The following POC1A variants were observed in gnomAD, a reference collection of about 807,000 sequenced individuals.
The protein encoded by POC1A is POC1 centriolar protein homolog A.
In POC1A, 34 loss-of-function variants were observed where a neutral mutation model predicts 47.8. That is an observed-to-expected ratio of 0.71 (90% CI 0.54 to 0.95). POC1A has a LOEUF of 0.95. Ranked by LOEUF, POC1A falls within the 40% of genes least tolerant of loss-of-function variation. The probability of loss-of-function intolerance (pLI) is 0.00; values close to 1 mark genes in which losing one functional copy is unlikely to be tolerated. For missense variants in POC1A, 466 were observed against 528.3 expected (o/e 0.88, Z 1.16); for synonymous variants, 177 against 207.6 (o/e 0.85, Z 1.27).
chr3:52,081,974 C>T (rs898697470), intron 10 of POC1A, among the ~76,000 whole-genome samples: 2 of 152,052 alleles, frequency 1.3e-5, no homozygotes, highest in African/African-American at 4.8e-5. Context: ...AGGCCAAGAA[C>T]ACAAGACAAG....
chr3:52,130,784 C>T (rs1323040181), intron 7 of POC1A, among the ~76,000 whole-genome samples: 1 of 152,136 alleles, frequency 6.6e-6, no homozygotes, highest in Non-Finnish European at 1.5e-5. Context: ...GGCCCACTGG[C>T]CCAGCCACTG....
chr3:52,120,153 A>C (rs1029407537), intron 9 of POC1A, among the ~76,000 whole-genome samples: 3 of 152,214 alleles, frequency 2.0e-5, no homozygotes, highest in African/African-American at 7.2e-5. Context: ...AAAGATGAAG[A>C]TCTTCTGGAA....
At chr3:52,102,669 A>G (rs1703040422) in intron 9 of POC1A, among the ~76,000 whole-genome samples, 3 of 152,346 alleles carry the variant, frequency 2.0e-5, no homozygotes, top group Admixed American at 1.3e-4. Flanking sequence ...CCCATTCAAC[A>G]CACTACAAAA....
At chr3:52,120,089 G>C (rs1055491445) in intron 9 of POC1A, among the ~76,000 whole-genome samples, 7 of 152,308 alleles carry the variant, frequency 4.6e-5, no homozygotes, top group Non-Finnish European at 1.0e-4. Flanking sequence ...TCCTATCTCA[G>C]AAGAAAACCG....
rs189858957 is a variant in POC1A at position 52,128,357 on chromosome 3, T to C, written c.814-3176A>G. Among the ~76,000 whole-genome samples the C allele has an allele frequency of 2.0e-5, 3 of 152,314 alleles. No individual in the cohort carries two copies. The East Asian group carries it at 5.8e-4, about 29-fold the overall frequency. ...GGGGTCAGGACCAGAGCGCAGGCAC[T>C]GGGAGCCCTGCAGATAAGAAGTGCT... On this transcript the variant is annotated intron_variant, in intron 7 of 10. Transcript: ENST00000296484.
At chr3:52,134,563 T>C (rs1330681928) in intron 7 of POC1A, among the ~76,000 whole-genome samples, 3 of 152,062 alleles carry the variant, frequency 2.0e-5, no homozygotes, top group African/African-American at 4.8e-5. Context: ...ACCCAGGAGA[T>C]GGAGGTTGCA....
intron 4 of POC1A, among the ~76,000 whole-genome samples, chr3:52,147,577 G>A (rs1452747275): frequency 6.6e-6 from 1 of 151,850 alleles, no homozygotes; most frequent in Non-Finnish European, 1.5e-5. Context: ...GGGACTACAG[G>A]CGTGCACCAC....
intron 7 of POC1A, among the ~76,000 whole-genome samples, chr3:52,129,142 G>T (rs899716976): frequency 2.6e-5 from 4 of 152,100 alleles, no homozygotes; most frequent in Non-Finnish European, 4.4e-5. Flanking sequence ...AGCCAGGGGC[G>T]GTGGCACACA....
At position 52,147,022 on chromosome 3, in the gene POC1A, G is replaced by T. The variant is rs147071412; in HGVS notation, c.529C>A (p.Arg177=). ...TCACAATACGAGTGGACACATTCCC[G>T]GCTGCTCTTGTCCCACAGCTTAACA... The part of the protein sequence containing the change: ...KTVKLWDKSS[R]ECVHSYCEHG... The change falls in exon 5 of 11, where the codon CGG becomes AGG. Residue 177 remains arginine, a synonymous_variant. Transcript: ENST00000296484. The T allele has an allele frequency of 1.9e-6, 3 of 1,614,126 alleles. No homozygotes were observed. In the South Asian group the frequency reaches 3.3e-5, roughly 18 times the overall value.
intron 10 of POC1A, among the ~76,000 whole-genome samples, chr3:52,089,263 A>G (rs1393744812): frequency 6.6e-6 from 1 of 152,056 alleles, no homozygotes; most frequent in African/African-American, 2.4e-5. Flanking sequence ...GCCTTTGGGA[A>G]AAATGCCAAA....
At chr3:52,152,984 A>G (rs1382335377) in intron 1 of POC1A, among the ~76,000 whole-genome samples, 1 of 152,222 alleles carries the variant, frequency 6.6e-6, no homozygotes, top group African/African-American at 2.4e-5. Flanking sequence ...AAGTATTAAT[A>G]TATTAGTTTG....
At chr3:52,122,066 G>C (rs975290562) in intron 9 of POC1A, among the ~76,000 whole-genome samples, 4 of 152,164 alleles carry the variant, frequency 2.6e-5, no homozygotes, top group Admixed American at 2.6e-4. Context: ...AGTATGGGAC[G>C]GGTCCCTTGT....
intron 10 of POC1A, among the ~76,000 whole-genome samples, chr3:52,080,629 T>C (rs1702250294): frequency 6.6e-6 from 1 of 152,188 alleles, no homozygotes; most frequent in Non-Finnish European, 1.5e-5. Context: ...AAACTCAATA[T>C]TATAGGAACC....
At chr3:52,098,630 A>G (rs1429547436) in intron 9 of POC1A, among the ~76,000 whole-genome samples, 1 of 152,198 alleles carries the variant, frequency 6.6e-6, no homozygotes, top group Non-Finnish European at 1.5e-5. Context: ...CCATTTGACA[A>G]TAAAGAGAAC....
At chr3:52,100,586 G>A (rs1024601116) in intron 9 of POC1A, among the ~76,000 whole-genome samples, 7 of 152,186 alleles carry the variant, frequency 4.6e-5, no homozygotes, top group African/African-American at 1.7e-4. Flanking sequence ...AGCATGAGGA[G>A]AAGAGACGCC....
intron 9 of POC1A, among the ~76,000 whole-genome samples, chr3:52,108,266 G>A (rs1340465462): frequency 1.3e-5 from 2 of 152,296 alleles, no homozygotes; most frequent in South Asian, 2.1e-4. Context: ...TGGGGACTGT[G>A]GATTTTTGAA....
intron 9 of POC1A, among the ~76,000 whole-genome samples, chr3:52,100,272 T>C (rs1702952731): frequency 6.6e-6 from 1 of 151,968 alleles, no homozygotes; most frequent in South Asian, 2.1e-4. Context: ...TTGTAGATCT[T>C]CCTTGTGACA....
chr3:52,132,684 AACTTGTAACCAACATCC>A (rs1466714420), intron 7 of POC1A, among the ~76,000 whole-genome samples: 1 of 152,072 alleles, frequency 6.6e-6, no homozygotes, highest in Non-Finnish European at 1.5e-5. Context: ...GGCCACAATA[AACTTGTAACCAACATCC>A]ACCCCTGCTA....
chr3:52,112,901 G>A (rs1473977174), intron 9 of POC1A, among the ~76,000 whole-genome samples: 1 of 152,180 alleles, frequency 6.6e-6, no homozygotes, highest in East Asian at 1.9e-4. Flanking sequence ...GGTTCTCCAA[G>A]TGAGTCCCTG....
Sources: gnomAD v4.1 joint callset for allele counts (sites outside exome capture counted in the v4.1 genomes callset) on GRCh38, gnomAD v4.1.1 for gene constraint, MANE v1.5 for transcripts, NCBI Gene and HGNC (gene_info 2026-07-23, HGNC 2026-07-21) for gene names.